The following UFSP2 variants were observed in gnomAD, a reference collection of about 807,000 sequenced individuals.
UFSP2 encodes UFM1 specific peptidase 2.
A neutral mutation model predicts 60.2 loss-of-function variants in UFSP2; 43 were observed. The observed-to-expected ratio is 0.71, with a 90% CI of 0.56 to 0.92. The LOEUF (loss-of-function observed/expected upper bound fraction) is 0.92, where lower values mean the gene tolerates loss of function less well. Among genes scored for constraint, UFSP2 ranks in the 40% least tolerant of loss-of-function variants. UFSP2 has a pLI of 0.00. For missense variants in UFSP2, 520 were observed against 575.0 expected (o/e 0.90, Z 0.98); for synonymous variants, 183 against 195.1 (o/e 0.94, Z 0.52).
Position 185,413,134 on chromosome 4 carries a change from G to A in UFSP2, c.831+592C>T, listed in dbSNP as rs146723022. 4.6e-5 allele frequency among the ~76,000 whole-genome samples: 7 copies of A among 152,226 alleles called. No individual in the cohort carries two copies. The East Asian group carries it at 1.4e-3, about 29-fold the overall frequency. On this transcript the variant is annotated intron_variant, in intron 7 of 11. Coordinates refer to ENST00000264689, the MANE Select transcript of UFSP2 (RefSeq NM_018359.5). ...AGCCTGGCCAACATGGTGAAATCCT[G>A]TCTCTACTAAAAATACAAAAACTAG...
chr4:185,415,859 T>C lies in UFSP2; in HGVS notation c.342A>G (p.Ile114Met). The C allele has an allele frequency of 6.2e-7, 1 of 1,612,102 alleles. No individual in the cohort carries two copies. The highest frequency in any genetic ancestry group is 1.1e-5 in the South Asian group (1 of 90,894). ...TTTCCAGCATAAGATCTATATTTAC[T>C]ATTTGATGCTATATAGATAAACAGT... ...KDKKLSDMHQ[I>M]VNIDLMLEMS... Residue 114 changes from isoleucine (I) to methionine (M), a missense_variant, in exon 5 of 12, where the codon ATA becomes ATG. By Grantham distance (10) the Ile-to-Met change is conservative. Coordinates refer to ENST00000264689, the MANE Select transcript of UFSP2 (RefSeq NM_018359.5).
chr4:185,415,428 A>C, intron 5 of UFSP2, 81 bp from the exon 6 acceptor site: 1 of 1,275,540 alleles, frequency 7.8e-7, no homozygotes, highest in Non-Finnish European at 1.1e-6. Context: ...ATATATCCTT[A>C]GTATAGTAAA....
In UFSP2 at chr4:185,418,461, CCTT is replaced by C. The variant is rs759689293; in HGVS notation, c.310_312del (p.Lys104del). ...CTTACCATGTCTGATAACTTTTTGT[CCTT>C]CTTTCTCATGAATTTTCTTTTTATA... On this transcript the variant is annotated inframe_deletion, in exon 4 of 12. Transcript: ENST00000264689. The C allele has an allele frequency of 2.5e-6, 4 of 1,609,492 alleles. No individual in the cohort carries two copies. The highest frequency in any genetic ancestry group is 2.7e-5 in the African/African-American group (2 of 74,888).
intron 7 of UFSP2, among the ~76,000 whole-genome samples, chr4:185,411,634 A>G (rs1438154014): frequency 1.3e-5 from 2 of 152,212 alleles, no homozygotes; most frequent in Non-Finnish European, 2.9e-5. Flanking sequence ...GGTAAATAAT[A>G]TATCTATAAT....
rs372010732 is a variant in UFSP2 at position 185,399,728 on chromosome 4, G to C, written c.*664C>G. On this transcript the variant is annotated 3_prime_UTR_variant, in exon 12 of 12. Coordinates refer to ENST00000264689, the MANE Select transcript of UFSP2 (RefSeq NM_018359.5). ...TGTGTTGCCGTGCTCAGACAGAAACGGAGTCTCGGAAGTGTAGAAAATACC... is the reference window on the plus strand; with the variant it reads ...TGTGTTGCCGTGCTCAGACAGAAACCGAGTCTCGGAAGTGTAGAAAATACC... 1 of 1,614,136 alleles carries C rather than the reference G, an allele frequency of 6.2e-7. No homozygotes were observed. The highest frequency in any genetic ancestry group is 1.1e-5 in the South Asian group (1 of 91,076).
chr4:185,418,803 A>G (rs2095543983), intron 2 of UFSP2, 33 bp from the exon 3 acceptor site: 2 of 1,528,454 alleles, frequency 1.3e-6, no homozygotes, highest in Non-Finnish European at 1.8e-6. Context: ...GAAGTTAAGA[A>G]AAACAAATTT....
chr4:185,419,419 C>T (rs1430103124), intron 2 of UFSP2, among the ~76,000 whole-genome samples: 1 of 152,138 alleles, frequency 6.6e-6, no homozygotes, highest in African/African-American at 2.4e-5. Context: ...CATGAGCCAC[C>T]GCGCCTGGCC....
intron 11 of UFSP2, among the ~76,000 whole-genome samples, chr4:185,402,017 C>G (rs74945761): frequency 1.3e-5 from 2 of 152,180 alleles, no homozygotes; most frequent in Non-Finnish European, 2.9e-5. Context: ...TAGCTCTGGA[C>G]GCACTGATCT....
intron 4 of UFSP2, 141 bp from the exon 5 acceptor site, chr4:185,416,008 AAGAGT>A (rs2095538045): frequency 1.6e-6 from 1 of 609,896 alleles, no homozygotes; most frequent in South Asian, 2.8e-5. Context: ...AAAAGGGGGA[AAGAGT>A]AGAGAACAAG....
intron 2 of UFSP2, among the ~76,000 whole-genome samples, chr4:185,421,097 A>G (rs999580528): frequency 2.0e-5 from 3 of 152,214 alleles, no homozygotes; most frequent in African/African-American, 7.2e-5. Context: ...TCTCATCTTA[A>G]TGGCACATTA....
In UFSP2 at chr4:185,408,866, G is replaced by A. The variant is rs1219077835; in HGVS notation, c.832-431C>T. Among the ~76,000 whole-genome samples the A allele has an allele frequency of 2.6e-5, 4 of 152,080 alleles. No homozygotes were observed. In the South Asian group the frequency reaches 8.3e-4, roughly 32 times the overall value. The stretch of plus-strand genomic sequence containing the variant: ...TTCCTTGACCATCCAGTCTACAAAC[G>A]GCCCACTCATTCTCTCACTACCCCA... On this transcript the variant is annotated intron_variant, in intron 7 of 11. Coordinates refer to ENST00000264689, the MANE Select transcript of UFSP2 (RefSeq NM_018359.5).
rs2095536310 is a variant in UFSP2, at chr4:185,415,261, A to G, written c.578T>C (p.Ile193Thr). 9 of 1,601,824 alleles carry G rather than the reference A, an allele frequency of 5.6e-6. No homozygotes were observed. The highest frequency in any genetic ancestry group is 6.8e-6 in the Non-Finnish European group (8 of 1,177,312). ...AAAGTGCAGTGGTTCAGGGACCACA[A>G]TAGATGTTCCTTTCATATATTTCAA... Reference protein sequence around the residue: ...CILKYMKGTSIVVPEPLHFLL... With the variant: ...CILKYMKGTSTVVPEPLHFLL... The change falls in exon 6 of 12, where the codon ATT (isoleucine) becomes ACT (threonine). Residue 193 changes from isoleucine to threonine, a missense_variant. By Grantham distance (89) the Ile-to-Thr change is moderately conservative. Transcript: ENST00000264689.
chr4:185,421,751 T>C (rs564904017), intron 2 of UFSP2, among the ~76,000 whole-genome samples: 7 of 152,238 alleles, frequency 4.6e-5, no homozygotes, highest in Non-Finnish European at 7.3e-5. Context: ...ATTCCTGATC[T>C]TTCTGAACGG....
rs2095523415 is a variant in UFSP2 at position 185,408,044 on chromosome 4, C to T, written c.1013G>A (p.Gly338Glu). Residue 338 changes from glycine (G) to glutamate (E), a missense_variant, in exon 9 of 12, where the codon GGG (glycine) becomes GAG (glutamate). Gly to Glu is a moderately conservative substitution (Grantham distance 98). Transcript: ENST00000264689. ...REIQQALVDA[G>E]DKPATFVGSR... ...TCCGACAAATGTTGCTGGTTTGTCC[C>T]CGGCATCGACTAGAGCCTTGATGTA... The T allele has an allele frequency of 1.2e-6, 2 of 1,613,738 alleles. No individual in the cohort carries two copies. The highest frequency in any genetic ancestry group is 2.7e-5 in the African/African-American group (2 of 74,900).
Position 185,400,436 on chromosome 4 carries a change from C to T in UFSP2, c.1366G>A (p.Ala456Thr), listed in dbSNP as rs1260563770. ...WKGPDFWNKD[A>T]YYNLCLPQRP... The stretch of plus-strand genomic sequence containing the variant: ...TGAGGAAGACATAAGTTATAGTATG[C>T]ATCCTTGTTCCAAAAATCTGGGCCC... The change falls in exon 12 of 12, where the codon GCA (alanine) becomes ACA (threonine). Residue 456 changes from alanine to threonine, a missense_variant. Physicochemically the swap from Ala to Thr is moderately conservative, Grantham distance 58. Transcript: ENST00000264689. 1.2e-6 allele frequency: 2 copies of T among 1,613,776 alleles called. No homozygotes were observed. The highest frequency in any genetic ancestry group is 2.7e-5 in the African/African-American group (2 of 74,906).
chr4:185,425,212 T>C (rs1459169323), intron 1 of UFSP2, among the ~76,000 whole-genome samples: 2 of 152,094 alleles, frequency 1.3e-5, no homozygotes, highest in Non-Finnish European at 2.9e-5. Context: ...CACAACAGGA[T>C]GTATGGTGGT....
At chr4:185,413,969 A>G in intron 6 of UFSP2, 97 bp from the exon 7 acceptor site, 2 of 1,158,518 alleles carry the variant, frequency 1.7e-6, no homozygotes, top group Admixed American at 3.3e-5. Context: ...AAAATTATAT[A>G]TAGGTTATAA....
chr4:185,403,194 T>C (rs1042268162), intron 11 of UFSP2, among the ~76,000 whole-genome samples: 3 of 152,248 alleles, frequency 2.0e-5, no homozygotes, highest in Non-Finnish European at 4.4e-5. Context: ...TTGATAAACT[T>C]TGATACATTT....
At chr4:185,418,958 T>C (rs915126533) in intron 2 of UFSP2, among the ~76,000 whole-genome samples, 188 bp from the exon 3 acceptor site, 2 of 152,152 alleles carry the variant, frequency 1.3e-5, no homozygotes, top group Non-Finnish European at 2.9e-5. Flanking sequence ...GACCATCAAA[T>C]TCATTCTTTT....
Sources: gnomAD v4.1 joint callset for allele counts (sites outside exome capture counted in the v4.1 genomes callset) on GRCh38, gnomAD v4.1.1 for gene constraint, MANE v1.5 for transcripts, NCBI Gene and HGNC (gene_info 2026-07-23, HGNC 2026-07-21) for gene names.